The following LRRIQ1 variants were observed in gnomAD, a reference collection of about 807,000 sequenced individuals.
The protein encoded by LRRIQ1 is leucine rich repeats and IQ motif containing 1.
A neutral mutation model predicts 211.9 loss-of-function variants in LRRIQ1; 210 were observed. That is an observed-to-expected ratio of 0.99 (90% CI 0.89 to 1.11). The LOEUF is 1.11. Among genes scored for constraint, LRRIQ1 ranks in the 50% most tolerant of loss-of-function variants. LRRIQ1 has a pLI of 0.00. For synonymous variants in LRRIQ1, 699 were observed against 650.1 expected (o/e 1.08, Z -1.14); for missense variants, 2,136 against 1,939.5 (o/e 1.10, Z -1.90).
chr12:85,213,688 T>C (rs1893945415), intron 24 of LRRIQ1, among the ~76,000 whole-genome samples: 2 of 151,962 alleles, frequency 1.3e-5, no homozygotes, highest in South Asian at 4.1e-4. Flanking sequence ...CCAATGTAAC[T>C]AGAAAATCAT....
At chr12:85,078,653 AT>A (rs1160865894) in intron 11 of LRRIQ1, among the ~76,000 whole-genome samples, 2 of 152,084 alleles carry the variant, frequency 1.3e-5, no homozygotes, top group Non-Finnish European at 2.9e-5. Flanking sequence ...CAGTTTCATC[AT>A]TTTAAAACGT....
chr12:85,064,835 G>A (rs1334184303), intron 8 of LRRIQ1, among the ~76,000 whole-genome samples: 2 of 151,784 alleles, frequency 1.3e-5, no homozygotes, highest in African/African-American at 4.8e-5. Context: ...TGAGTTAACT[G>A]TAGATGTATG....
intron 11 of LRRIQ1, among the ~76,000 whole-genome samples, chr12:85,090,936 C>A (rs888918560): frequency 6.6e-6 from 1 of 152,108 alleles, no homozygotes; most frequent in African/African-American, 2.4e-5. Flanking sequence ...GAATTTTAAT[C>A]CCCAATGCTG....
chr12:85,066,823 A>T lies in LRRIQ1; in HGVS notation c.2620A>T (p.Thr874Ser). Residue 874 changes from threonine (T) to serine (S), a missense_variant, in exon 10 of 27, where the codon ACT (threonine) becomes TCT (serine). Transcript: ENST00000393217. ...TGTTCTTCTTAATAAAAATCAACTG[A>T]CTTCTCTTCATGGTTTGGATGGCTG... ...CVVLLNKNQL[T>S]SLHGLDGCTN... 2 of 1,594,880 alleles carry T rather than the reference A, an allele frequency of 1.3e-6. No homozygotes were observed. The highest frequency in any genetic ancestry group is 1.1e-5 in the South Asian group (1 of 89,524).
Position 85,160,613 on chromosome 12 carries a change from A to G in LRRIQ1, c.4721A>G (p.Asp1574Gly), listed in dbSNP as rs529744543. The change falls in exon 24 of 27, where the codon GAT becomes GGT. Residue 1574 changes from aspartate (D) to glycine (G), a missense_variant and splice_region_variant. Physicochemically the swap from Asp to Gly is moderately conservative, Grantham distance 94 (BLOSUM62 -1). Transcript: ENST00000393217. ...CTCCTTTCTTATTCGTTTTGTTTAG[A>G]TTCCACTGTGCGTCTAGCCTTATTC... ...MKSKKLKKKIDSTVRLALFKN... is the reference protein window; with the variant it reads ...MKSKKLKKKIGSTVRLALFKN... The G allele has an allele frequency of 1.3e-6, 2 of 1,589,068 alleles. No homozygotes were observed. Among genetic ancestry groups the G allele is most frequent in the South Asian group, 2.2e-5 (2 of 90,166 alleles).
At chr12:85,115,096 T>C (rs1887480148) in intron 15 of LRRIQ1, among the ~76,000 whole-genome samples, 1 of 152,198 alleles carries the variant, frequency 6.6e-6, no homozygotes, top group African/African-American at 2.4e-5. Flanking sequence ...TCATGATTAA[T>C]AGAGCTTCTT....
At chr12:85,211,909 G>A (rs894783965) in intron 24 of LRRIQ1, among the ~76,000 whole-genome samples, 8 of 152,102 alleles carry the variant, frequency 5.3e-5, no homozygotes, top group African/African-American at 1.7e-4. Context: ...TCATTCAGTT[G>A]TATGTGGTCC....
rs773134877 is a variant in LRRIQ1, at chr12:85,056,420, CAT to C, written c.1628_1629del (p.His543ArgfsTer4). 2.5e-6 allele frequency: 4 copies of C among 1,588,116 alleles called. No individual in the cohort carries two copies. The highest frequency in any genetic ancestry group is 1.9e-5 in the Admixed American group (1 of 52,986). ...DAQKEEKIMK[H>X]VINENTGQKT... ...ACAAAAAGAAGAAAAAATCATGAAA[CAT>C]GTCATAAATGAGAATACAGGACAAA... On this transcript the variant is annotated frameshift_variant, in exon 8 of 27. Transcript: ENST00000393217. LOFTEE classifies it high-confidence loss of function.
At chr12:85,202,159 AGTT>A (rs774938813) in intron 24 of LRRIQ1, among the ~76,000 whole-genome samples, 110 of 151,932 alleles carry the variant, frequency 7.2e-4, no homozygotes, top group African/African-American at 2.4e-3. Context: ...GTATAAATTC[AGTT>A]GTTGTTGTTG....
Position 85,154,094 on chromosome 12 carries a change from G to A in LRRIQ1, c.4720G>A (p.Asp1574Asn), listed in dbSNP as rs911977371. 4 of 1,538,964 alleles carry A rather than the reference G, an allele frequency of 2.6e-6. No homozygotes were observed. The highest frequency in any genetic ancestry group is 8.8e-7 in the Non-Finnish European group (1 of 1,134,518). ...ATCGAAGAAACTAAAGAAAAAAATA[G>A]GTGAGTAATTAGTGCTCTTTGAATA... ...MKSKKLKKKI[D>N]STVRLALFKN... The change falls in exon 23 of 27, where the codon GAT (aspartate) becomes AAT (asparagine). Residue 1574 changes from aspartate (D) to asparagine (N), a missense_variant and splice_region_variant. Transcript: ENST00000393217.
At chr12:85,069,559 A>G (rs988314700) in intron 10 of LRRIQ1, among the ~76,000 whole-genome samples, 3 of 152,038 alleles carry the variant, frequency 2.0e-5, no homozygotes, top group African/African-American at 7.2e-5. Flanking sequence ...TCCCACCAAC[A>G]GTGTAAAAGT....
At chr12:85,041,971 G>C (rs561416868) in intron 3 of LRRIQ1, among the ~76,000 whole-genome samples, 44 of 152,004 alleles carry the variant, frequency 2.9e-4, no homozygotes, top group Non-Finnish European at 5.5e-4. Context: ...CCGAACACCA[G>C]CATGAATTGC....
chr12:85,054,609 A>G lies in LRRIQ1; in HGVS notation c.754-938A>G, dbSNP rs574207179. On this transcript the variant is annotated intron_variant, in intron 7 of 26. Coordinates refer to ENST00000393217, the MANE Select transcript of LRRIQ1 (RefSeq NM_001079910.2). ...TCTTTACCTCCGACATATAATTTTTATCTTTGTTATTATTTGTTGTTTGGG... is the reference window on the plus strand; with the variant it reads ...TCTTTACCTCCGACATATAATTTTTGTCTTTGTTATTATTTGTTGTTTGGG... 2.6e-5 allele frequency among the ~76,000 whole-genome samples: 4 copies of G among 151,614 alleles called. No individual in the cohort carries two copies. The East Asian group carries it at 5.8e-4, about 22-fold the overall frequency.
intron 3 of LRRIQ1, among the ~76,000 whole-genome samples, chr12:85,042,138 AT>A (rs1406616800): frequency 5.3e-5 from 8 of 151,862 alleles, no homozygotes; most frequent in Non-Finnish European, 8.8e-5. Context: ...TATAAAAAAA[AT>A]CAAGGAAAAC....
chr12:85,124,088 T>TA lies in LRRIQ1; in HGVS notation c.3577dup (p.Thr1193AsnfsTer10), dbSNP rs1485386298. Reference sequence around the variant, plus strand: ...TGTTCAGAGATGTATTTACCTTGGATACTGCAGAAAATCTCTGTCATTATT... The same window carrying TA: ...TGTTCAGAGATGTATTTACCTTGGATAACTGCAGAAAATCTCTGTCATTATT... On this transcript the variant is annotated frameshift_variant, in exon 17 of 27. Transcript: ENST00000393217. LOFTEE classifies it high-confidence loss of function. The TA allele has an allele frequency of 1.9e-6, 3 of 1,609,724 alleles. No homozygotes were observed. The highest frequency in any genetic ancestry group is 1.7e-6 in the Non-Finnish European group (2 of 1,176,170).
intron 24 of LRRIQ1, among the ~76,000 whole-genome samples, chr12:85,217,688 G>A (rs12300130): frequency 7.3e-6 from 1 of 136,454 alleles, no homozygotes; most frequent in Admixed American, 7.2e-5. Flanking sequence ...ATGTATATAT[G>A]TGTATATATG....
intron 15 of LRRIQ1, among the ~76,000 whole-genome samples, chr12:85,113,907 TTGTGTGTGTGTGTGTGTG>T (rs71076112): frequency 7.1e-6 from 1 of 140,866 alleles, no homozygotes; most frequent in Non-Finnish European, 1.5e-5. Context: ...CAAATGAGTT[TTGTGTGTGTGTGTGTGTG>T]TGTGTGTGTG....
intron 1 of LRRIQ1, among the ~76,000 whole-genome samples, chr12:85,250,910 A>ATATT (rs1769185082): frequency 1.3e-5 from 1 of 78,256 alleles, no homozygotes; most frequent in Non-Finnish European, 2.0e-5. Context: ...TATTATATAT[A>ATATT]ATATATTTTA....
rs563314640 is a variant in LRRIQ1, at chr12:85,222,358, G to C, written c.4823-7159G>C. Among the ~76,000 whole-genome samples the C allele has an allele frequency of 1.3e-4, 20 of 152,252 alleles. No individual in the cohort carries two copies. The South Asian group carries it at 3.5e-3, about 27-fold the overall frequency. On this transcript the variant is annotated intron_variant, in intron 24 of 26. Coordinates refer to ENST00000393217, the MANE Select transcript of LRRIQ1 (RefSeq NM_001079910.2). ...GAGATTGAAAAAGATGGCAAGGGAA[G>C]AGGGGCCCTTGGAAGAGACTGGGGT...
Sources: gnomAD v4.1 joint callset for allele counts (sites outside exome capture counted in the v4.1 genomes callset) on GRCh38, gnomAD v4.1.1 for gene constraint, MANE v1.5 for transcripts, NCBI Gene and HGNC (gene_info 2026-07-23, HGNC 2026-07-21) for gene names.